Variants in PPARGC1B observed in about 807,000 individuals in gnomAD.
PPARGC1B encodes the protein peroxisome proliferator-activated receptor gamma coactivator 1-beta.
In PPARGC1B, 34 loss-of-function variants were observed where a neutral mutation model predicts 101.6. The observed-to-expected ratio is 0.33, with a 90% CI of 0.25 to 0.45. The LOEUF is 0.45. PPARGC1B is among the 20% of genes least tolerant of loss of function. The pLI, the probability that PPARGC1B is intolerant of heterozygous loss-of-function variation, is 1.00. For synonymous variants in PPARGC1B, 548 were observed against 539.3 expected, an observed-to-expected ratio of 1.02 and a Z score of -0.22; for missense variants, 1,234 against 1,317.6, an observed-to-expected ratio of 0.94 and a Z score of 0.98.
At chr5:149,769,912 C>T (rs570909479) in intron 1 of PPARGC1B, among the ~76,000 whole-genome samples, 9 of 152,278 alleles carry the variant, frequency 5.9e-5, no homozygotes, top group African/African-American at 1.4e-4. Context: ...CCAGGTCATC[C>T]GGGGTTATCT....
Position 149,820,145 on chromosome 5 carries a change from A to G in PPARGC1B, c.79-288A>G, listed in dbSNP as rs535572668. ...TTTACAGTCTTTAATAAAGTTTTCAACAAAACAGTTCTGGTAACAGGAGGA... is the reference window on the plus strand; with the variant it reads ...TTTACAGTCTTTAATAAAGTTTTCAGCAAAACAGTTCTGGTAACAGGAGGA... On this transcript the variant is annotated intron_variant, in intron 1 of 11. Coordinates refer to ENST00000309241, the MANE Select transcript of PPARGC1B (RefSeq NM_133263.4). Among the ~76,000 whole-genome samples, 3 of 152,326 alleles carry G rather than the reference A, an allele frequency of 2.0e-5. No homozygotes were observed. The East Asian group carries it at 5.8e-4, about 29-fold the overall frequency.
rs768071117 is a variant in PPARGC1B, at chr5:149,730,331, C to G, written c.-12C>G. ...CGTTGACTCCGCCGCACGCTGCAGC[C>G]GCGGCTGGAAGATGGCGGGGAACGA... On this transcript the variant is annotated 5_prime_UTR_variant, in exon 1 of 12. Coordinates refer to ENST00000309241, the MANE Select transcript of PPARGC1B (RefSeq NM_133263.4). This position sits in a 1 kb window ranked among gnomAD's most constrained non-coding sequence, Gnocchi z 4.0. 2.6e-6 allele frequency: 4 copies of G among 1,552,292 alleles called. No individual in the cohort carries two copies. Among genetic ancestry groups the G allele is most frequent in the Admixed American group, 1.9e-5 (1 of 52,264 alleles).
intron 1 of PPARGC1B, among the ~76,000 whole-genome samples, chr5:149,739,668 G>T (rs1229943540): frequency 6.6e-6 from 1 of 152,222 alleles, no homozygotes; most frequent in African/African-American, 2.4e-5. Context: ...TCCTCTGAGA[G>T]ACACCATTGC....
intron 1 of PPARGC1B, among the ~76,000 whole-genome samples, chr5:149,757,514 T>A (rs1755575295): frequency 6.6e-6 from 1 of 152,196 alleles, no homozygotes; most frequent in Admixed American, 6.5e-5. Context: ...AAGGCCTCGA[T>A]AAGTGGCAGA....
intron 4 of PPARGC1B, 108 bp downstream of exon 4, chr5:149,830,991 C>T: frequency 1.3e-6 from 1 of 775,064 alleles, no homozygotes. Flanking sequence ...TCTCTTCCCA[C>T]TCCTCCCACA....
In PPARGC1B at chr5:149,845,887, T is replaced by G. The variant is rs1280292547; in HGVS notation, c.2944T>G (p.Phe982Val). The G allele has an allele frequency of 2.5e-6, 4 of 1,614,244 alleles. No individual in the cohort carries two copies. In the Admixed American group the frequency reaches 5.0e-5, roughly 20 times the overall value. ...FQLSYGGLRHFCWPRYTDYDS... is the reference protein window; with the variant it reads ...FQLSYGGLRHVCWPRYTDYDS... ...GCTGAGCTACGGAGGGCTCCGGCAC[T>G]TCTGCTGGCCCAGATACACTGACTA... The change falls in exon 11 of 12, where the codon TTC becomes GTC. Residue 982 changes from phenylalanine to valine, a missense_variant. Transcript: ENST00000309241.
At position 149,836,994 on chromosome 5, in the gene PPARGC1B, C is replaced by G; in HGVS notation, c.2539C>G (p.Gln847Glu). 6.2e-7 allele frequency: 1 copy of G among 1,614,066 alleles called. No homozygotes were observed. The highest frequency in any genetic ancestry group is 1.1e-5 in the South Asian group (1 of 91,078). Residue 847 changes from glutamine (Q) to glutamate (E), a missense_variant, in exon 8 of 12, where the codon CAG (glutamine) becomes GAG (glutamate). This residue lies in a region of PPARGC1B where 497 missense variants were observed against 529.5 expected (regional missense o/e 0.94). Coordinates refer to ENST00000309241, the MANE Select transcript of PPARGC1B (RefSeq NM_133263.4). ...GAGCCCACCAAGCAAGGCCAACCGGCAGCTCTGTTCCCGCAGCCGCTCAAG... is the reference window on the plus strand; with the variant it reads ...GAGCCCACCAAGCAAGGCCAACCGGGAGCTCTGTTCCCGCAGCCGCTCAAG... ...YQSPPSKANR[Q>E]LCSRSRSSSG...
At chr5:149,772,968 G>T (rs10515638) in intron 1 of PPARGC1B, among the ~76,000 whole-genome samples, 12,971 of 152,220 alleles carry the variant, frequency 0.085, 597 homozygotes, top group South Asian at 0.16. Context: ...GGTGCTTAAG[G>T]TAAAGGCGCT....
chr5:149,827,015 C>T, intron 3 of PPARGC1B, 130 bp downstream of exon 3: 2 of 747,102 alleles, frequency 2.7e-6, no homozygotes, highest in South Asian at 3.6e-5. Context: ...ATATTGATCA[C>T]AGCAGAGAGC....
At chr5:149,842,176 C>A (rs1177948228) in intron 9 of PPARGC1B, 80 bp from the exon 10 acceptor site, 1 of 1,566,208 alleles carries the variant, frequency 6.4e-7, no homozygotes, top group South Asian at 1.2e-5. Context: ...AGGACAAGGA[C>A]TCCACGGGAG....
In PPARGC1B at chr5:149,826,670, C is replaced by A; in HGVS notation, c.253-3C>A. On this transcript the variant is annotated splice_region_variant and splice_polypyrimidine_tract_variant and intron_variant, in intron 2 of 11. Transcript: ENST00000309241. ...TCTGACCCTCCCGCCCTCCTCACTC[C>A]AGATTGACAGTGAGAATGAGGCCCT... 2 of 1,611,864 alleles carry A rather than the reference C, an allele frequency of 1.2e-6. No homozygotes were observed. Among genetic ancestry groups the A allele is most frequent in the Non-Finnish European group, 1.7e-6 (2 of 1,178,042 alleles).
At chr5:149,764,237 A>G (rs1755825060) in intron 1 of PPARGC1B, among the ~76,000 whole-genome samples, 1 of 152,184 alleles carries the variant, frequency 6.6e-6, no homozygotes, top group Non-Finnish European at 1.5e-5. Context: ...GGGGGCCTGG[A>G]TTGGCTCAGC....
intron 8 of PPARGC1B, among the ~76,000 whole-genome samples, chr5:149,838,015 C>A (rs1337895415): frequency 6.6e-6 from 1 of 152,120 alleles, no homozygotes; most frequent in Admixed American, 6.5e-5. Context: ...TCCAACAAGT[C>A]CCCAGGTGAT....
rs1491205048 is a variant in PPARGC1B, at chr5:149,854,388, T to TGA, written c.*6831_*6832insAG. The TGA allele has an allele frequency of 1.6e-5, 2 of 128,868 alleles. No individual in the cohort carries two copies. Among genetic ancestry groups the TGA allele is most frequent in the East Asian group, 2.7e-4 (1 of 3,710 alleles). The allele number at this position is 128,868 out of a possible 1,614,324, so 8.0% of individuals were successfully genotyped here. On this transcript the variant is annotated 3_prime_UTR_variant, in exon 12 of 12. Coordinates refer to ENST00000309241, the MANE Select transcript of PPARGC1B (RefSeq NM_133263.4). ...ACGTCTGTGCCTGTGTGTGTGTGTT[T>TGA]GTGTGTGTGTGTGTGTGTGGAATTA...
rs139126281 is a variant in PPARGC1B, at chr5:149,730,404, A to G, written c.62A>G (p.Tyr21Cys). Residue 21 changes from tyrosine to cysteine, a missense_variant, in exon 1 of 12, where the codon TAT becomes TGT. Coordinates refer to ENST00000309241, the MANE Select transcript of PPARGC1B (RefSeq NM_133263.4). This position sits in a 1 kb window ranked among gnomAD's most constrained non-coding sequence, Gnocchi z 4.0. ...GAGCTCTCCTCCTTCTTCCTCAACTATCTCGCTGACACGCAGGTACGGCCG... is the reference window on the plus strand; with the variant it reads ...GAGCTCTCCTCCTTCTTCCTCAACTGTCTCGCTGACACGCAGGTACGGCCG... ...DEELSSFFLN[Y>C]LADTQGGGSG... 31 of 1,565,160 alleles carry G rather than the reference A, an allele frequency of 2.0e-5. No homozygotes were observed. The highest frequency in any genetic ancestry group is 1.7e-4 in the African/African-American group (12 of 71,224).
At chr5:149,743,788 CTT>C (rs1754992662) in intron 1 of PPARGC1B, among the ~76,000 whole-genome samples, 1 of 152,180 alleles carries the variant, frequency 6.6e-6, no homozygotes, top group African/African-American at 2.4e-5. Context: ...AAGGCAAACA[CTT>C]TGTGGAGCCT....
chr5:149,790,122 T>C (rs771204813), intron 1 of PPARGC1B, among the ~76,000 whole-genome samples: 7 of 152,158 alleles, frequency 4.6e-5, no homozygotes, highest in Non-Finnish European at 7.3e-5. Flanking sequence ...CTGTGTAGGA[T>C]TATTGTGGGG....
At chr5:149,791,959 A>G (rs1268844362) in intron 1 of PPARGC1B, among the ~76,000 whole-genome samples, 1 of 152,232 alleles carries the variant, frequency 6.6e-6, no homozygotes, top group Non-Finnish European at 1.5e-5. Context: ...ACAAGTTCTA[A>G]GTCCTTGGCC....
intron 1 of PPARGC1B, among the ~76,000 whole-genome samples, chr5:149,801,976 G>GT (rs1161524907): frequency 2.0e-5 from 3 of 152,194 alleles, no homozygotes; most frequent in Non-Finnish European, 4.4e-5. Flanking sequence ...CCCTAAGCAG[G>GT]TGGGTGTACC....
Sources: gnomAD v4.1 joint callset for allele counts (sites outside exome capture counted in the v4.1 genomes callset) on GRCh38, gnomAD v4.1.1 for gene constraint, gnomAD v4.1.1 regional missense constraint, Gnocchi (gnomAD v3.1) non-coding constraint, MANE v1.5 for transcripts, NCBI Gene and HGNC (gene_info 2026-07-23, HGNC 2026-07-21) for gene names.